Variants in ZFHX3 observed in about 807,000 individuals in gnomAD.
The protein encoded by ZFHX3 is zinc finger homeobox 3, also known as zinc finger homeobox protein 3.
In ZFHX3, 42 loss-of-function variants were observed where a neutral mutation model predicts 279.1. The observed-to-expected ratio is 0.15, with a 90% CI of 0.12 to 0.19. The LOEUF (loss-of-function observed/expected upper bound fraction) is 0.19. Among genes scored for constraint, ZFHX3 ranks in the 10% least tolerant of loss-of-function variants. The pLI is 1.00. For missense variants in ZFHX3, 4,981 were observed against 4,754.0 expected (o/e 1.05, Z -1.40); for synonymous variants, 2,293 against 1,957.8 (o/e 1.17, Z -4.52).
intron 9 of ZFHX3, chr16:72,791,393 T>TTCTA (rs1247205271): frequency 6.6e-6 from 1 of 152,206 alleles, no homozygotes; most frequent in Non-Finnish European, 1.5e-5. Context: ...GAGCTTATCT[T>TTCTA]TCTATCTCGA....
Position 73,465,894 on chromosome 16 carries a change from C to G in ZFHX3, c.-1546-9636G>C, listed in dbSNP as rs377419292. On this transcript the variant is annotated intron_variant, in intron 2 of 17. Transcript: ENST00000641206. Reference sequence around the variant, plus strand: ...CAGGTTATAGTCTAGGAGGCCGTGACAGTAAGGAGATGACAGGCTGCGAGG... The same window carrying G: ...CAGGTTATAGTCTAGGAGGCCGTGAGAGTAAGGAGATGACAGGCTGCGAGG... Among the ~76,000 whole-genome samples the G allele has an allele frequency of 1.5e-3, 230 of 152,262 alleles. 7 individuals are homozygous for G. In the South Asian group the frequency reaches 0.045, roughly 30 times the overall value.
chr16:73,871,343 G>A (rs751435507), intron 1 of ZFHX3, among the ~76,000 whole-genome samples: 7 of 152,162 alleles, frequency 4.6e-5, no homozygotes, highest in Admixed American at 1.3e-4. Context: ...CCGCCTGTCC[G>A]CAAGAAAACT....
At chr16:73,092,745 G>A (rs1433504093) in intron 8 of ZFHX3, 1 of 350,248 alleles carries the variant, frequency 2.9e-6, no homozygotes, top group Admixed American at 3.9e-5. Flanking sequence ...GCTTCATGAG[G>A]CTAAGTAATA....
intron 2 of ZFHX3, among the ~76,000 whole-genome samples, chr16:73,511,817 T>G (rs1224484157): frequency 6.6e-6 from 1 of 152,152 alleles, no homozygotes; most frequent in Admixed American, 6.5e-5. Flanking sequence ...AATGAGACTT[T>G]GAAACCTGAA....
chr16:73,533,124 C>G (rs141107104), intron 2 of ZFHX3, among the ~76,000 whole-genome samples: 4 of 152,204 alleles, frequency 2.6e-5, no homozygotes, highest in Admixed American at 2.6e-4. Context: ...GTGTGCTTAT[C>G]TATCCATGTG....
At chr16:72,987,093 A>G (rs933550723) in intron 1 of ZFHX3, among the ~76,000 whole-genome samples, 5 of 152,168 alleles carry the variant, frequency 3.3e-5, no homozygotes, top group Admixed American at 2.6e-4. Context: ...CTGAGGCTGC[A>G]GTGAGTTGTG....
At chr16:73,073,437 A>T (rs1965848390) in intron 8 of ZFHX3, among the ~76,000 whole-genome samples, 1 of 152,200 alleles carries the variant, frequency 6.6e-6, no homozygotes, top group African/African-American at 2.4e-5. Context: ...CAGGCTTTAA[A>T]CATTTTGTAC....
intron 3 of ZFHX3, among the ~76,000 whole-genome samples, chr16:73,442,869 A>G (rs1597337204): frequency 6.6e-6 from 1 of 152,312 alleles, no homozygotes; most frequent in Non-Finnish European, 1.5e-5. Flanking sequence ...GTTCCACCTC[A>G]GCCTCCCGAG....
intron 5 of ZFHX3, among the ~76,000 whole-genome samples, chr16:72,822,172 A>C (rs756660789): frequency 5.3e-5 from 8 of 152,256 alleles, no homozygotes; most frequent in Non-Finnish European, 1.2e-4. Context: ...ACATCTAAAC[A>C]GTATTAAGCA....
At chr16:73,884,527 A>G (rs899853443) in intron 1 of ZFHX3, among the ~76,000 whole-genome samples, 3 of 152,214 alleles carry the variant, frequency 2.0e-5, no homozygotes, top group Non-Finnish European at 4.4e-5. Flanking sequence ...TTTTAATTAA[A>G]TTGTTTGTTT....
chr16:73,641,748 T>C (rs2052574963), intron 2 of ZFHX3, among the ~76,000 whole-genome samples: 1 of 152,076 alleles, frequency 6.6e-6, no homozygotes, highest in South Asian at 2.1e-4. Flanking sequence ...AACAGCCTCC[T>C]TTGGGGAATA....
At chr16:73,215,229 T>C (rs145903067) in intron 5 of ZFHX3, among the ~76,000 whole-genome samples, 1 of 152,330 alleles carries the variant, frequency 6.6e-6, no homozygotes, top group African/African-American at 2.4e-5. Flanking sequence ...TGCAAGAATC[T>C]GTCCTCCAGC....
intron 7 of ZFHX3, among the ~76,000 whole-genome samples, chr16:73,123,787 C>A (rs1597165078): frequency 1.3e-5 from 2 of 152,104 alleles, no homozygotes; most frequent in Non-Finnish European, 2.9e-5. Context: ...GAGGGTAGAG[C>A]CCTCCTGAAT....
intron 1 of ZFHX3, among the ~76,000 whole-genome samples, chr16:73,730,564 T>C (rs1401744975): frequency 6.6e-6 from 1 of 152,058 alleles, no homozygotes; most frequent in Non-Finnish European, 1.5e-5. Flanking sequence ...GACATCTAAA[T>C]TCCATATGGT....
At chr16:73,231,872 G>A (rs1337257120) in intron 5 of ZFHX3, among the ~76,000 whole-genome samples, 1 of 152,040 alleles carries the variant, frequency 6.6e-6, no homozygotes, top group Admixed American at 6.6e-5. Flanking sequence ...CCTTAGCCTC[G>A]ATGAGTAGGC....
intron 2 of ZFHX3, among the ~76,000 whole-genome samples, chr16:73,467,867 T>C (rs1272150839): frequency 6.6e-6 from 1 of 152,210 alleles, no homozygotes; most frequent in Non-Finnish European, 1.5e-5. Context: ...GCTGTCTGTC[T>C]ACCTTTCTGG....
chr16:73,026,601 G>A (rs964462363), intron 1 of ZFHX3, among the ~76,000 whole-genome samples: 5 of 150,342 alleles, frequency 3.3e-5, no homozygotes, highest in African/African-American at 4.9e-5. Context: ...AACCTGGGAG[G>A]TGGAGGTTGC....
intron 2 of ZFHX3, among the ~76,000 whole-genome samples, chr16:73,583,316 A>C (rs1054837630): frequency 4.6e-5 from 7 of 152,232 alleles, no homozygotes; most frequent in African/African-American, 2.4e-5. Context: ...AACTAATCTT[A>C]AAAAAGAAGA....
chr16:73,538,509 A>C (rs943052857), intron 2 of ZFHX3, among the ~76,000 whole-genome samples: 1 of 152,188 alleles, frequency 6.6e-6, no homozygotes, highest in African/African-American at 2.4e-5. Context: ...TGAAAAAGTC[A>C]TGTAAGTTTT....
Sources: allele counts gnomAD v4.1 joint callset (sites outside exome capture counted in the v4.1 genomes callset), GRCh38; gene constraint gnomAD v4.1.1; transcripts MANE v1.5; gene names NCBI Gene and HGNC (gene_info 2026-07-23, HGNC 2026-07-21).